RNF24: variants seen among roughly 807,000 people sequenced by gnomAD.
RNF24 encodes ring finger protein 24.
RNF24 carries 14 observed loss-of-function variants against 20.0 expected under a neutral mutation model. That is an observed-to-expected ratio of 0.70 (90% CI 0.46 to 1.10). RNF24 has a LOEUF of 1.10. RNF24 is among the 50% of genes least tolerant of loss of function. The pLI, the probability that RNF24 is intolerant of heterozygous loss-of-function variation, is 0.00. For missense variants in RNF24, 124 were observed against 177.6 expected, an observed-to-expected ratio of 0.70 and a Z score of 1.71; for synonymous variants, 45 against 61.1, an observed-to-expected ratio of 0.74 and a Z score of 1.23.
intron 1 of RNF24, among the ~76,000 whole-genome samples, chr20:4,005,401 A>G (rs983583595): frequency 6.6e-6 from 1 of 152,202 alleles, no homozygotes; most frequent in African/African-American, 2.4e-5. Flanking sequence ...TTACAGAGAT[A>G]ATCGACAAGT....
chr20:3,942,045 G>A (rs905810155), intron 4 of RNF24, among the ~76,000 whole-genome samples: 20 of 149,034 alleles, frequency 1.3e-4, no homozygotes, highest in Admixed American at 2.0e-4. Flanking sequence ...CTGCACTCCA[G>A]CCTGGGCAGT....
chr20:4,014,435 C>T (rs952972821), intron 1 of RNF24, among the ~76,000 whole-genome samples: 1 of 152,144 alleles, frequency 6.6e-6, no homozygotes, highest in African/African-American at 2.4e-5. Context: ...TATCAATGAA[C>T]TAAACCCAGA....
intron 1 of RNF24, among the ~76,000 whole-genome samples, chr20:3,990,083 GA>G (rs894936059): frequency 6.6e-6 from 1 of 151,616 alleles, no homozygotes; most frequent in East Asian, 1.9e-4. Context: ...AGCCAGTTGA[GA>G]AAAAAAATTA....
chr20:3,965,412 A>G (rs548263767), intron 1 of RNF24, among the ~76,000 whole-genome samples: 2 of 152,242 alleles, frequency 1.3e-5, no homozygotes, highest in African/African-American at 4.8e-5. Context: ...CTAGTAACAT[A>G]TATCAGGAAG....
At chr20:3,980,767 T>A (rs60798474) in intron 1 of RNF24, among the ~76,000 whole-genome samples, 24,079 of 152,088 alleles carry the variant, frequency 0.16, 2,178 homozygotes, top group African/African-American at 0.25. Flanking sequence ...AAGTATTTTG[T>A]TTGGCCTGTA....
chr20:3,985,350 A>G (rs1198513358), intron 1 of RNF24, among the ~76,000 whole-genome samples: 1 of 152,162 alleles, frequency 6.6e-6, no homozygotes, highest in Admixed American at 6.5e-5. Flanking sequence ...CAGCCTCCAG[A>G]GTAGCTGGGC....
chr20:3,972,150 G>A (rs538434709), intron 1 of RNF24, among the ~76,000 whole-genome samples: 16 of 152,084 alleles, frequency 1.1e-4, no homozygotes, highest in African/African-American at 2.7e-4. Flanking sequence ...AACATGTGAA[G>A]GAAAAACTGA....
intron 1 of RNF24, among the ~76,000 whole-genome samples, chr20:4,014,868 A>T (rs112232697): frequency 9.3e-4 from 142 of 152,204 alleles, no homozygotes; most frequent in African/African-American, 3.2e-3. Flanking sequence ...GACTTTCATT[A>T]ATGAGTAAGC....
chr20:4,006,134 T>A (rs1409177474), intron 1 of RNF24, among the ~76,000 whole-genome samples: 1 of 152,166 alleles, frequency 6.6e-6, no homozygotes, highest in Non-Finnish European at 1.5e-5. Context: ...CCCCGCACTC[T>A]AGGAGGCTGA....
At chr20:3,973,125 C>G (rs911579395) in intron 1 of RNF24, among the ~76,000 whole-genome samples, 1 of 151,834 alleles carries the variant, frequency 6.6e-6, no homozygotes, top group Non-Finnish European at 1.5e-5. Flanking sequence ...ATTGACTGAA[C>G]CCGGGAGGTG....
At chr20:3,947,789 G>A (rs1227481088) in intron 3 of RNF24, among the ~76,000 whole-genome samples, 2 of 152,236 alleles carry the variant, frequency 1.3e-5, no homozygotes, top group Non-Finnish European at 2.9e-5. Context: ...GCTCACGCCT[G>A]TAATCCCAGC....
intron 1 of RNF24, among the ~76,000 whole-genome samples, chr20:3,985,364 T>C (rs1484546705): frequency 6.6e-6 from 1 of 152,204 alleles, no homozygotes; most frequent in Admixed American, 6.5e-5. Context: ...GCTGGGCTTA[T>C]AGATGTGTGG....
intron 3 of RNF24, among the ~76,000 whole-genome samples, chr20:3,946,841 G>T (rs2091024654): frequency 6.6e-6 from 1 of 152,252 alleles, no homozygotes; most frequent in South Asian, 2.1e-4. Flanking sequence ...TGTCCATCTA[G>T]GGAATGTGCC....
At chr20:4,000,240 ATGGCCAGATGTGG>A (rs1327986531) in intron 1 of RNF24, among the ~76,000 whole-genome samples, 1 of 152,166 alleles carries the variant, frequency 6.6e-6, no homozygotes, top group Non-Finnish European at 1.5e-5. Context: ...CGGTATTTTA[ATGGCCAGATGTGG>A]TGGCTCAAGC....
chr20:4,000,038 C>T (rs1568664801), intron 1 of RNF24, among the ~76,000 whole-genome samples: 1 of 151,892 alleles, frequency 6.6e-6, no homozygotes, highest in Non-Finnish European at 1.5e-5. Flanking sequence ...GACTGAGGAG[C>T]GAAGGCCATT....
intron 1 of RNF24, among the ~76,000 whole-genome samples, chr20:4,006,524 T>C (rs1981888083): frequency 6.6e-6 from 1 of 152,106 alleles, no homozygotes; most frequent in African/African-American, 2.4e-5. Flanking sequence ...AACAGGAACT[T>C]TAAAAGCAGG....
chr20:3,989,079 G>C (rs1980179298), intron 1 of RNF24, among the ~76,000 whole-genome samples: 1 of 152,076 alleles, frequency 6.6e-6, no homozygotes, highest in Non-Finnish European at 1.5e-5. Flanking sequence ...ATTTAATGCA[G>C]ATACAATTCA....
chr20:4,008,457 A>T (rs1470173940), intron 1 of RNF24, among the ~76,000 whole-genome samples: 1 of 113,330 alleles, frequency 8.8e-6, no homozygotes, highest in East Asian at 2.2e-4. Flanking sequence ...TATATAATAT[A>T]TAATATATAA....
rs983562025 is a variant in RNF24 at position 3,931,156 on chromosome 20, T to C, written c.*2907A>G. The C allele has an allele frequency of 2.6e-5, 4 of 152,200 alleles. No homozygotes were observed. The highest frequency in any genetic ancestry group is 5.9e-5 in the Non-Finnish European group (4 of 68,054). 9.4% of individuals were successfully genotyped at this position (152,200 alleles called of 1,614,324 possible). On this transcript the variant is annotated 3_prime_UTR_variant, in exon 6 of 6. Transcript: ENST00000358395. ...TGGTTCAGCCACCCGTGGAGTCCAG[T>C]TGGGGCTGAGTTATGCTCCACTAAC...
Sources: allele counts gnomAD v4.1 joint callset (sites outside exome capture counted in the v4.1 genomes callset), GRCh38; gene constraint gnomAD v4.1.1; transcripts MANE v1.5; gene names NCBI Gene and HGNC (gene_info 2026-07-23, HGNC 2026-07-21).